The following DNA2 variants were observed in gnomAD, a reference collection of about 807,000 sequenced individuals.
The protein encoded by DNA2 is DNA replication ATP-dependent helicase/nuclease DNA2.
In DNA2, 101 loss-of-function variants were observed where a neutral mutation model predicts 119.1. The observed-to-expected ratio is 0.85, with a 90% CI of 0.72 to 1.00. DNA2 has a LOEUF of 1.00. Ranked by LOEUF, DNA2 falls within the 50% of genes least tolerant of loss-of-function variation. DNA2 has a pLI of 0.00. For synonymous variants in DNA2, 366 were observed against 424.4 expected, an observed-to-expected ratio of 0.86 and a Z score of 1.69; for missense variants, 1,121 against 1,255.5, an observed-to-expected ratio of 0.89 and a Z score of 1.62.
chr10:68,429,310 C>T (rs1311752835), intron 14 of DNA2, among the ~76,000 whole-genome samples: 2 of 150,830 alleles, frequency 1.3e-5, no homozygotes, highest in South Asian at 2.1e-4. Context: ...TTTGGGAGGC[C>T]GAGGCAGGAG....
chr10:68,446,510 C>T, intron 6 of DNA2, 97 bp from the exon 7 acceptor site: 1 of 746,422 alleles, frequency 1.3e-6, no homozygotes, highest in South Asian at 1.9e-5. Context: ...CTCAAAAGAT[C>T]AATAAAGTTA....
chr10:68,458,620 G>A (rs928152668), intron 5 of DNA2, among the ~76,000 whole-genome samples: 10 of 151,806 alleles, frequency 6.6e-5, no homozygotes, highest in African/African-American at 1.9e-4. Context: ...AGGCTGAGGC[G>A]GGTGGATCAC....
chr10:68,416,536 C>T (rs2051591627), intron 20 of DNA2, 173 bp downstream of exon 20: 1 of 583,948 alleles, frequency 1.7e-6, no homozygotes, highest in South Asian at 2.2e-5. Context: ...GGCTGGGGGC[C>T]GTGGCTCACA....
Position 68,471,789 on chromosome 10 carries a change from A to C in DNA2, c.74+2T>G. 6.3e-7 allele frequency: 1 copy of C among 1,598,548 alleles called. No individual in the cohort carries two copies. The highest frequency in any genetic ancestry group is 8.5e-7 in the Non-Finnish European group (1 of 1,172,808). ...CCCACACCCTCCCCCCTCTCCGCTC[A>C]CAGCTCCGCCGGCAGCTCCGCCTCC... On this transcript the variant is annotated splice_donor_variant, in intron 1 of 20. Transcript: ENST00000358410. LOFTEE classifies it high-confidence loss of function.
chr10:68,446,526 A>C (rs557999285), intron 6 of DNA2, 113 bp from the exon 7 acceptor site: 1 of 690,954 alleles, frequency 1.4e-6, no homozygotes, highest in South Asian at 2.0e-5. Context: ...AGTTATTTCT[A>C]TTTAATAAGT....
At chr10:68,448,938 TG>T (rs2052077112) in intron 6 of DNA2, among the ~76,000 whole-genome samples, 1 of 126,300 alleles carries the variant, frequency 7.9e-6, no homozygotes, top group African/African-American at 3.2e-5. Flanking sequence ...ACCAGGTGTG[TG>T]TGTGTGTGTG....
At position 68,414,355 on chromosome 10, in the gene DNA2, A is replaced by G. The variant is rs1360272779; in HGVS notation, c.*684T>C. 1 of 152,188 alleles carries G rather than the reference A, an allele frequency of 6.6e-6. No homozygotes were observed. Among genetic ancestry groups the G allele is most frequent in the Non-Finnish European group, 1.5e-5 (1 of 68,042 alleles). 9.4% of individuals were successfully genotyped at this position (152,188 alleles called of 1,614,324 possible). A position where few individuals can be genotyped will look rare whatever the true frequency, so the allele number is the denominator to read the frequency against. The stretch of plus-strand genomic sequence containing the variant: ...GAGTGATACCCCCAAACATAGGGGC[A>G]TATGAACATATGTGAAAATAGGAAT... On this transcript the variant is annotated 3_prime_UTR_variant, in exon 21 of 21. Coordinates refer to ENST00000358410, the MANE Select transcript of DNA2 (RefSeq NM_001080449.3).
chr10:68,432,614 T>C, intron 10 of DNA2, 104 bp from the exon 11 acceptor site: 2 of 711,998 alleles, frequency 2.8e-6, no homozygotes, highest in Non-Finnish European at 4.8e-6. Flanking sequence ...AGAATAGCTA[T>C]TAAAATAGCT....
chr10:68,424,745 C>T, intron 14 of DNA2: 4 of 1,516,230 alleles, frequency 2.6e-6, no homozygotes, highest in Non-Finnish European at 3.7e-6. Context: ...AAGGACACTA[C>T]AAAGGTCAGC....
chr10:68,416,235 C>T (rs61855088), intron 20 of DNA2, among the ~76,000 whole-genome samples: 14,282 of 151,996 alleles, frequency 0.094, 1,007 homozygotes, highest in South Asian at 0.24. Context: ...TGGGAGGAGG[C>T]GAGTGAATCA....
intron 13 of DNA2, 147 bp from the exon 14 acceptor site, chr10:68,430,807 TGAC>T (rs2133377208): frequency 1.6e-6 from 1 of 644,936 alleles, no homozygotes; most frequent in Admixed American, 3.1e-5. Context: ...AAAAATTACA[TGAC>T]ATTATTATAC....
At chr10:68,423,073 TAATC>T (rs2051687950) in intron 14 of DNA2, among the ~76,000 whole-genome samples, 183 bp from the exon 15 acceptor site, 1 of 152,150 alleles carries the variant, frequency 6.6e-6, no homozygotes, top group Admixed American at 6.6e-5. Flanking sequence ...AAATTAAAAA[TAATC>T]AAGTAAACTT....
chr10:68,461,342 G>C (rs2052255220), intron 4 of DNA2: 1 of 152,184 alleles, frequency 6.6e-6, no homozygotes, highest in African/African-American at 2.4e-5. Flanking sequence ...TGCAGAAGCA[G>C]ATACAAGAAT....
chr10:68,460,503 G>A (rs1350300795), intron 4 of DNA2, among the ~76,000 whole-genome samples: 1 of 151,570 alleles, frequency 6.6e-6, no homozygotes, highest in East Asian at 1.9e-4. Flanking sequence ...TGCCTCCCAG[G>A]TTCAAATGAT....
chr10:68,448,306 T>A (rs1025551324), intron 6 of DNA2, among the ~76,000 whole-genome samples: 2 of 152,202 alleles, frequency 1.3e-5, no homozygotes, highest in African/African-American at 4.8e-5. Context: ...TTCATGAAAT[T>A]CTTCGGAGAA....
At chr10:68,450,310 G>T in intron 5 of DNA2, 63 bp from the exon 6 acceptor site, 1 of 1,221,752 alleles carries the variant, frequency 8.2e-7, no homozygotes, top group East Asian at 2.5e-5. Flanking sequence ...ACATCTGCTG[G>T]CTCTGACTGC....
intron 14 of DNA2, among the ~76,000 whole-genome samples, chr10:68,429,704 T>A (rs1323049914): frequency 9.5e-5 from 4 of 42,198 alleles, no homozygotes; most frequent in Non-Finnish European, 1.2e-4. Flanking sequence ...AGAGCAAGAC[T>A]CCATCTCAAA....
intron 13 of DNA2, among the ~76,000 whole-genome samples, chr10:68,431,580 C>T (rs887840298): frequency 6.6e-6 from 1 of 152,168 alleles, no homozygotes; most frequent in Non-Finnish European, 1.5e-5. Context: ...CCACAACGCC[C>T]GGCCTCTAAC....
At chr10:68,448,593 T>G (rs1013994806) in intron 6 of DNA2, among the ~76,000 whole-genome samples, 2 of 152,202 alleles carry the variant, frequency 1.3e-5, no homozygotes, top group African/African-American at 4.8e-5. Flanking sequence ...CCTCATTTTT[T>G]TCAATACAAG....
Sources: allele counts gnomAD v4.1 joint callset (sites outside exome capture counted in the v4.1 genomes callset), GRCh38; gene constraint gnomAD v4.1.1; transcripts MANE v1.5; gene names NCBI Gene and HGNC (gene_info 2026-07-23, HGNC 2026-07-21).